Variants in NR3C1 observed in about 807,000 individuals in gnomAD.
NR3C1 encodes the protein nuclear receptor subfamily 3 group C member 1.
A neutral mutation model predicts 74.0 loss-of-function variants in NR3C1; 14 were observed. The ratio of observed to expected loss-of-function variants is 0.19; its 90% CI spans 0.12 to 0.30. The LOEUF is 0.30. Ranked by LOEUF, NR3C1 falls within the 10% of genes least tolerant of loss-of-function variation. NR3C1 has a pLI of 1.00. For synonymous variants in NR3C1, 308 were observed against 332.5 expected (o/e 0.93, Z 0.80); for missense variants, 695 against 909.8 (o/e 0.76, Z 3.04).
At chr5:143,402,743 G>C (rs1840555053) in intron 1 of NR3C1, 3 of 985,288 alleles carry the variant, frequency 3.0e-6, no homozygotes, top group Non-Finnish European at 3.6e-6. Context: ...GCGCCGCCGG[G>C]GCCTCCCCGG....
At chr5:143,427,137 C>T (rs538896909) in intron 1 of NR3C1, among the ~76,000 whole-genome samples, 2 of 152,278 alleles carry the variant, frequency 1.3e-5, no homozygotes, top group East Asian at 3.9e-4. Flanking sequence ...GAACCCCAGT[C>T]TGCACTATAA....
Position 143,435,138 on chromosome 5 carries a change from C to T in NR3C1, c.-620G>A, listed in dbSNP as rs61757433. The stretch of plus-strand genomic sequence containing the variant: ...CAAGGATTTGAAAACTAAATGAATG[C>T]GTGCATATTCACACTAAGCAATTTT... On this transcript the variant is annotated 5_prime_UTR_variant, in exon 1 of 9. Coordinates refer to the NR3C1 transcript ENST00000343796. 614 of 985,348 alleles carry T rather than the reference C, an allele frequency of 6.2e-4. 5 individuals are homozygous for T. The East Asian group carries it at 0.019, about 31-fold the overall frequency. 61.0% of individuals were successfully genotyped at this position (985,348 alleles called of 1,614,324 possible).
At position 143,387,358 on chromosome 5, in the gene NR3C1, G is replaced by C. The variant is rs79160723; in HGVS notation, c.1184+12298C>G. ...AGATTTCCCTAATTTATCTGGCTTT[G>C]ATTTTTGGGAATGTTCCCATGTTTT... On this transcript the variant is annotated intron_variant, in intron 2 of 8. Transcript: ENST00000394464. 1.0e-3 allele frequency among the ~76,000 whole-genome samples: 156 copies of C among 152,238 alleles called. 3 individuals carry two copies. In the East Asian group the frequency reaches 0.022, roughly 22 times the overall value.
intron 7 of NR3C1, among the ~76,000 whole-genome samples, chr5:143,283,470 C>CTTGAG (rs1344811262): frequency 6.6e-6 from 1 of 152,204 alleles, no homozygotes; most frequent in Non-Finnish European, 1.5e-5. Context: ...CCATTCTGCA[C>CTTGAG]TTGAGTTTAA....
At chr5:143,375,998 A>G (rs951001461) in intron 2 of NR3C1, 2 of 152,236 alleles carry the variant, frequency 1.3e-5, no homozygotes, top group African/African-American at 4.8e-5. Flanking sequence ...GCTCTACATT[A>G]TATTTTCATG....
chr5:143,332,789 T>A, intron 2 of NR3C1: 1 of 1,560,032 alleles, frequency 6.4e-7, no homozygotes, highest in Non-Finnish European at 8.7e-7. Context: ...AAAGGATTGA[T>A]GGCGTGAGTT....
intron 2 of NR3C1, among the ~76,000 whole-genome samples, chr5:143,357,937 C>T (rs1040547812): frequency 5.3e-5 from 8 of 152,106 alleles, no homozygotes; most frequent in African/African-American, 1.7e-4. Context: ...TAATAACTAA[C>T]GTAAAACCCT....
intron 2 of NR3C1, among the ~76,000 whole-genome samples, chr5:143,327,067 T>C (rs1389343468): frequency 4.6e-5 from 7 of 152,248 alleles, no homozygotes; most frequent in African/African-American, 7.2e-5. Context: ...TATTAGTCCA[T>C]TCTGACACTG....
At chr5:143,299,005 G>GTT (rs35039262) in intron 5 of NR3C1, among the ~76,000 whole-genome samples, 193 bp from the exon 6 acceptor site, 14,041 of 106,516 alleles carry the variant, frequency 0.13, 1,142 homozygotes, top group Middle Eastern at 0.2. Flanking sequence ...ACCCTCTTGT[G>GTT]TTTTTTTTTT....
intron 1 of NR3C1, among the ~76,000 whole-genome samples, chr5:143,411,368 CT>C (rs1214032294): frequency 6.6e-6 from 1 of 152,150 alleles, no homozygotes; most frequent in Non-Finnish European, 1.5e-5. Context: ...TACTTGAAAG[CT>C]ATTATCAGCA....
chr5:143,393,053 GTTCTT>G (rs1838562780), intron 2 of NR3C1, among the ~76,000 whole-genome samples: 1 of 152,118 alleles, frequency 6.6e-6, no homozygotes, highest in Non-Finnish European at 1.5e-5. Flanking sequence ...AAACTCTCAA[GTTCTT>G]TTAAGTTCTA....
intron 2 of NR3C1, among the ~76,000 whole-genome samples, chr5:143,316,658 C>T (rs1160637094): frequency 6.6e-6 from 1 of 152,086 alleles, no homozygotes; most frequent in Non-Finnish European, 1.5e-5. Flanking sequence ...ACTACTTTGA[C>T]CCCTGAGTTT....
At chr5:143,337,242 T>C (rs188000101) in intron 2 of NR3C1, among the ~76,000 whole-genome samples, 1 of 152,234 alleles carries the variant, frequency 6.6e-6, no homozygotes. Flanking sequence ...AAATGGCCAA[T>C]AAACATATGA....
At chr5:143,418,118 C>T (rs1366933005) in intron 1 of NR3C1, among the ~76,000 whole-genome samples, 1 of 152,194 alleles carries the variant, frequency 6.6e-6, no homozygotes, top group African/African-American at 2.4e-5. Context: ...TGCAAGCTTT[C>T]CTAATTCCTA....
At chr5:143,310,368 G>A (rs1393624925) in intron 3 of NR3C1, among the ~76,000 whole-genome samples, 155 bp from the exon 4 acceptor site, 1 of 152,126 alleles carries the variant, frequency 6.6e-6, no homozygotes, top group African/African-American at 2.4e-5. Context: ...TTATGAGGTC[G>A]AGAGGTCAAA....
At chr5:143,286,490 A>G (rs1814515875) in intron 7 of NR3C1, among the ~76,000 whole-genome samples, 1 of 152,168 alleles carries the variant, frequency 6.6e-6, no homozygotes, top group Non-Finnish European at 1.5e-5. Context: ...ATACCATATT[A>G]GTGACTAAAA....
intron 1 of NR3C1, among the ~76,000 whole-genome samples, chr5:143,409,468 T>C (rs1209271908): frequency 6.6e-6 from 1 of 152,244 alleles, no homozygotes; most frequent in African/African-American, 2.4e-5. Context: ...TGTGTACATG[T>C]GTATTGTGTA....
chr5:143,367,430 T>TA (rs1252717939), intron 2 of NR3C1, among the ~76,000 whole-genome samples: 5 of 152,036 alleles, frequency 3.3e-5, no homozygotes, highest in Non-Finnish European at 7.4e-5. Flanking sequence ...GAAAAAGAAG[T>TA]AAAAAATGTC....
At chr5:143,375,744 A>C (rs895686507) in intron 2 of NR3C1, 3 of 152,226 alleles carry the variant, frequency 2.0e-5, no homozygotes, top group Non-Finnish European at 2.9e-5. Context: ...TTCTGTAAGA[A>C]ATCTACTTCC....
Sources: allele counts gnomAD v4.1 joint callset (sites outside exome capture counted in the v4.1 genomes callset), GRCh38; gene constraint gnomAD v4.1.1; transcripts MANE v1.5; gene names NCBI Gene and HGNC (gene_info 2026-07-23, HGNC 2026-07-21).